The following KDM4C variants were observed in gnomAD, a reference collection of about 807,000 sequenced individuals.
The protein encoded by KDM4C is lysine demethylase 4C.
Under a neutral mutation model 129.3 loss-of-function variants are expected in KDM4C, and 81 were observed. The observed-to-expected ratio is 0.63, with a 90% confidence interval of 0.52 to 0.75. KDM4C has a LOEUF of 0.75. Ranked by LOEUF, KDM4C falls within the 30% of genes least tolerant of loss-of-function variation. The pLI, the probability that KDM4C is intolerant of heterozygous loss-of-function variation, is 0.00. For missense variants in KDM4C, 1,457 were observed against 1,304.0 expected, an observed-to-expected ratio of 1.12 and a Z score of -1.81; for synonymous variants, 573 against 456.1, an observed-to-expected ratio of 1.26 and a Z score of -3.26.
chr9:6,758,918 G>C lies in KDM4C; in HGVS notation c.-18+715G>C, dbSNP rs949176989. ...GCCGGGGCTGTAGGCAGGAGCTTGG[G>C]GTTTTCCTCTGTGCTCCGCCAGTAA... On this transcript the variant is annotated intron_variant, in intron 1 of 21. Transcript: ENST00000381309. This position sits in a 1 kb window ranked among gnomAD's most constrained non-coding sequence, Gnocchi z 4.6. Among the ~76,000 whole-genome samples, 6 of 152,180 alleles carry C rather than the reference G, an allele frequency of 3.9e-5. No individual in the cohort carries two copies. Among genetic ancestry groups the C allele is most frequent in the Non-Finnish European group, 7.3e-5 (5 of 68,040 alleles).
chr9:7,051,783 T>C (rs925683975), intron 17 of KDM4C, among the ~76,000 whole-genome samples: 10 of 152,232 alleles, frequency 6.6e-5, no homozygotes, highest in African/African-American at 2.4e-4. Flanking sequence ...TTAGATGTCA[T>C]AATCAATTTA....
chr9:7,017,948 G>C (rs188085308), intron 15 of KDM4C, among the ~76,000 whole-genome samples: 2 of 152,174 alleles, frequency 1.3e-5, no homozygotes, highest in African/African-American at 2.4e-5. Flanking sequence ...TAAAAATATG[G>C]ACACTCTTTA....
intron 5 of KDM4C, among the ~76,000 whole-genome samples, chr9:6,875,399 T>A (rs1843396483): frequency 6.6e-6 from 1 of 152,000 alleles, no homozygotes; most frequent in African/African-American, 2.4e-5. Context: ...CCTGGGCGGG[T>A]CTTGAGCTGA....
chr9:7,127,197 C>G (rs1350438371), intron 18 of KDM4C, among the ~76,000 whole-genome samples: 1 of 152,164 alleles, frequency 6.6e-6, no homozygotes, highest in Non-Finnish European at 1.5e-5. Flanking sequence ...ATGCACAAAA[C>G]TCAACGGACA....
intron 17 of KDM4C, among the ~76,000 whole-genome samples, chr9:7,074,632 ATT>A (rs554574036): frequency 1.1e-3 from 166 of 152,290 alleles, no homozygotes; most frequent in Admixed American, 1.7e-3. Flanking sequence ...GAATGCATAT[ATT>A]TTTGCAATAT....
chr9:6,828,988 A>T (rs982725183), intron 4 of KDM4C, among the ~76,000 whole-genome samples: 1 of 152,228 alleles, frequency 6.6e-6, no homozygotes, highest in Admixed American at 6.5e-5. Flanking sequence ...TAAATGTTTA[A>T]TAACCTGGTA....
At chr9:6,740,272 C>T (rs1400418744) in intron 1 of KDM4C, among the ~76,000 whole-genome samples, 3 of 150,528 alleles carry the variant, frequency 2.0e-5, no homozygotes, top group African/African-American at 7.3e-5. Context: ...GATGCAATCT[C>T]GTCTCACTGC....
At chr9:7,044,149 A>T (rs570667063) in intron 15 of KDM4C, among the ~76,000 whole-genome samples, 1 of 152,136 alleles carries the variant, frequency 6.6e-6, no homozygotes, top group South Asian at 2.1e-4. Flanking sequence ...TGTCAGTGGG[A>T]ATGCCTGAGA....
At chr9:6,957,608 G>A (rs1447324440) in intron 8 of KDM4C, among the ~76,000 whole-genome samples, 1 of 152,166 alleles carries the variant, frequency 6.6e-6, no homozygotes, top group Non-Finnish European at 1.5e-5. Flanking sequence ...CAAACGTGGA[G>A]GCTGCTGTTT....
At chr9:7,079,821 A>T (rs1834329465) in intron 17 of KDM4C, among the ~76,000 whole-genome samples, 1 of 152,180 alleles carries the variant, frequency 6.6e-6, no homozygotes, top group Admixed American at 6.5e-5. Flanking sequence ...TCTCTTAGAG[A>T]ATTAATTTTC....
chr9:6,748,244 A>G (rs1264239058), intron 1 of KDM4C, among the ~76,000 whole-genome samples: 2 of 151,842 alleles, frequency 1.3e-5, no homozygotes, highest in Admixed American at 1.3e-4. Flanking sequence ...GTGGTGGCTC[A>G]CGCCTGTAAT....
intron 5 of KDM4C, among the ~76,000 whole-genome samples, chr9:6,856,065 C>G (rs1050918925): frequency 2.0e-5 from 3 of 152,012 alleles, no homozygotes; most frequent in African/African-American, 7.3e-5. Context: ...ACTAGCATGC[C>G]TCTAGTGCCT....
intron 8 of KDM4C, among the ~76,000 whole-genome samples, chr9:6,903,140 A>G (rs1817690346): frequency 6.6e-6 from 1 of 152,120 alleles, no homozygotes; most frequent in Admixed American, 6.6e-5. Flanking sequence ...AAATTTTCGT[A>G]AAAGGTATTT....
chr9:6,964,101 C>A (rs111914254), intron 8 of KDM4C, among the ~76,000 whole-genome samples: 5,416 of 151,984 alleles, frequency 0.036, 314 homozygotes, highest in African/African-American at 0.12. Flanking sequence ...TTATTTATTT[C>A]AGTTATACTT....
At chr9:7,015,130 T>C (rs1038939140) in intron 14 of KDM4C, among the ~76,000 whole-genome samples, 23 of 152,314 alleles carry the variant, frequency 1.5e-4, no homozygotes, top group South Asian at 6.2e-4. Flanking sequence ...CTTGGGAAAT[T>C]ACATTTCTGT....
chr9:7,156,392 CATTG>C (rs1843174597), intron 19 of KDM4C, among the ~76,000 whole-genome samples: 1 of 152,120 alleles, frequency 6.6e-6, no homozygotes, highest in Non-Finnish European at 1.5e-5. Context: ...CTTTTGTTGC[CATTG>C]ATTTTGGTGC....
intron 5 of KDM4C, among the ~76,000 whole-genome samples, chr9:6,851,749 C>G (rs1838882792): frequency 6.6e-6 from 1 of 152,152 alleles, no homozygotes; most frequent in Non-Finnish European, 1.5e-5. Context: ...CTCCTGGGAA[C>G]AGGTTGATGT....
intron 17 of KDM4C, among the ~76,000 whole-genome samples, chr9:7,066,540 T>C (rs1248375764): frequency 6.6e-6 from 1 of 152,238 alleles, no homozygotes; most frequent in Non-Finnish European, 1.5e-5. Flanking sequence ...TTTTCAGATA[T>C]GATGGAATTA....
chr9:6,936,322 A>T (rs1589195520), intron 8 of KDM4C, among the ~76,000 whole-genome samples: 1 of 152,258 alleles, frequency 6.6e-6, no homozygotes, highest in East Asian at 1.9e-4. Flanking sequence ...AAAATTATAT[A>T]TGCTAAAATC....
Sources: allele counts gnomAD v4.1 joint callset (sites outside exome capture counted in the v4.1 genomes callset), GRCh38; gene constraint gnomAD v4.1.1; non-coding constraint Gnocchi (gnomAD v3.1); transcripts MANE v1.5; gene names NCBI Gene and HGNC (gene_info 2026-07-23, HGNC 2026-07-21).